Variants in TC2N observed in about 807,000 individuals in gnomAD.
The protein encoded by TC2N is tandem C2 domains nuclear protein.
A neutral mutation model predicts 61.9 loss-of-function variants in TC2N; 51 were observed. That is an observed-to-expected ratio of 0.82 (90% CI 0.66 to 1.04). The LOEUF (loss-of-function observed/expected upper bound fraction) is 1.04, where lower values mean the gene tolerates loss of function less well. Among genes scored for constraint, TC2N ranks in the 50% least tolerant of loss-of-function variants. The pLI, the probability that TC2N is intolerant of heterozygous loss-of-function variation, is 0.00. For missense variants in TC2N, 556 were observed against 566.7 expected (o/e 0.98, Z 0.19); for synonymous variants, 204 against 192.6 (o/e 1.06, Z -0.49).
chr14:91,850,030 CAA>C (rs1199367644), intron 1 of TC2N, among the ~76,000 whole-genome samples: 9 of 120,128 alleles, frequency 7.5e-5, no homozygotes, highest in Non-Finnish European at 1.5e-4. Context: ...GCCTGGGCAA[CAA>C]GAGTGAAACT....
At chr14:91,799,718 T>C (rs2139841965) in intron 5 of TC2N, among the ~76,000 whole-genome samples, 1 of 152,216 alleles carries the variant, frequency 6.6e-6, no homozygotes, top group South Asian at 2.1e-4. Context: ...TGAGTACACA[T>C]AACAATATTT....
chr14:91,828,708 T>C (rs1887612868), intron 1 of TC2N, among the ~76,000 whole-genome samples: 1 of 152,078 alleles, frequency 6.6e-6, no homozygotes, highest in South Asian at 2.1e-4. Context: ...TAATAGGATT[T>C]TGCTGATTGC....
intron 1 of TC2N, among the ~76,000 whole-genome samples, chr14:91,855,213 A>T (rs1432450989): frequency 6.6e-6 from 1 of 152,180 alleles, no homozygotes; most frequent in African/African-American, 2.4e-5. Flanking sequence ...ATCCTCAGGA[A>T]ATTTGCCTAC....
chr14:91,833,676 G>T (rs1404329295), intron 1 of TC2N, among the ~76,000 whole-genome samples: 1 of 151,990 alleles, frequency 6.6e-6, no homozygotes, highest in Non-Finnish European at 1.5e-5. Context: ...ACATTAGTTT[G>T]CATTTTCTAG....
chr14:91,845,092 G>A (rs1390234571), intron 1 of TC2N, among the ~76,000 whole-genome samples: 3 of 151,894 alleles, frequency 2.0e-5, no homozygotes, highest in African/African-American at 4.8e-5. Context: ...GCCGGGTGAC[G>A]TGGCGCACAC....
chr14:91,822,166 G>A (rs973152050), intron 1 of TC2N, among the ~76,000 whole-genome samples: 2 of 152,112 alleles, frequency 1.3e-5, no homozygotes, highest in Admixed American at 6.5e-5. Context: ...TAAGAAAAAA[G>A]CAATCACATG....
chr14:91,804,602 CA>C, intron 3 of TC2N, among the ~76,000 whole-genome samples: 1 of 152,122 alleles, frequency 6.6e-6, no homozygotes, highest in East Asian at 1.9e-4. Flanking sequence ...AAACTACTGA[CA>C]ATTACTTGAA....
At chr14:91,829,424 T>C (rs1454337969) in intron 1 of TC2N, among the ~76,000 whole-genome samples, 1 of 152,146 alleles carries the variant, frequency 6.6e-6, no homozygotes, top group Non-Finnish European at 1.5e-5. Context: ...TATCTTCCAG[T>C]TCATTCAATC....
chr14:91,853,108 A>G (rs897935497), intron 1 of TC2N, among the ~76,000 whole-genome samples: 11 of 152,082 alleles, frequency 7.2e-5, no homozygotes, highest in African/African-American at 2.7e-4. Context: ...CAACAAAAAC[A>G]CAACATGGCT....
chr14:91,782,772 AT>A lies in TC2N; in HGVS notation c.*327del. ...TTTGAATATCTAAGTAAAGCTTAAA[AT>A]ACAAAAGCGAAAACATAATATAGAA... is the stretch of plus-strand genomic sequence containing the variant. On this transcript the variant is annotated 3_prime_UTR_variant, in exon 12 of 12. Coordinates refer to ENST00000435962, the MANE Select transcript of TC2N (RefSeq NM_001128596.3). The A allele has an allele frequency of 4.9e-6, 1 of 202,874 alleles. No homozygotes were observed. 12.6% of individuals were successfully genotyped at this position (202,874 alleles called of 1,614,324 possible).
intron 8 of TC2N, among the ~76,000 whole-genome samples, chr14:91,796,367 T>C (rs1017088893): frequency 6.6e-6 from 1 of 152,046 alleles, no homozygotes; most frequent in Non-Finnish European, 1.5e-5. Context: ...TCCAGCTCCT[T>C]AAAAACTCTT....
At chr14:91,804,602 C>A (rs555984380) in intron 3 of TC2N, among the ~76,000 whole-genome samples, 18 of 152,004 alleles carry the variant, frequency 1.2e-4, no homozygotes, top group Non-Finnish European at 2.2e-4. Context: ...AAACTACTGA[C>A]AATTACTTGA....
At chr14:91,854,409 G>A (rs1462419509) in intron 1 of TC2N, among the ~76,000 whole-genome samples, 1 of 135,076 alleles carries the variant, frequency 7.4e-6, no homozygotes, top group African/African-American at 2.7e-5. Flanking sequence ...GGAGGAGGAG[G>A]AGGAGGAGGG....
chr14:91,819,216 G>A (rs1158722940), intron 1 of TC2N, among the ~76,000 whole-genome samples: 2 of 152,138 alleles, frequency 1.3e-5, no homozygotes, highest in Non-Finnish European at 2.9e-5. Flanking sequence ...TGTAATCCCA[G>A]CTACTCGGGA....
At chr14:91,821,488 C>T (rs941875575) in intron 1 of TC2N, among the ~76,000 whole-genome samples, 1 of 151,352 alleles carries the variant, frequency 6.6e-6, no homozygotes, top group Non-Finnish European at 1.5e-5. Flanking sequence ...CCACCATATA[C>T]AAAAACTAAC....
At chr14:91,799,186 G>T (rs1044987933) in intron 5 of TC2N, 122 bp from the exon 6 acceptor site, 1 of 584,636 alleles carries the variant, frequency 1.7e-6, no homozygotes, top group Non-Finnish European at 2.9e-6. Context: ...AGTGTTACAG[G>T]TCAGAATTTC....
intron 1 of TC2N, among the ~76,000 whole-genome samples, chr14:91,816,959 C>A (rs181239510): frequency 6.0e-4 from 91 of 151,932 alleles, no homozygotes; most frequent in Middle Eastern, 3.4e-3. Context: ...GTCATCTTTA[C>A]CCCTCTTCAC....
intron 9 of TC2N, among the ~76,000 whole-genome samples, chr14:91,788,467 A>G (rs1885470653): frequency 6.6e-6 from 1 of 152,204 alleles, no homozygotes; most frequent in Non-Finnish European, 1.5e-5. Context: ...GTAGGAACAT[A>G]ATGTTCACAG....
intron 1 of TC2N, among the ~76,000 whole-genome samples, chr14:91,815,236 G>C (rs537752592): frequency 6.6e-6 from 1 of 151,482 alleles, no homozygotes; most frequent in East Asian, 1.9e-4. Context: ...AAAGTTAAAA[G>C]AAAACATGGC....
Sources: gnomAD v4.1 joint callset for allele counts (sites outside exome capture counted in the v4.1 genomes callset) on GRCh38, gnomAD v4.1.1 for gene constraint, MANE v1.5 for transcripts, NCBI Gene and HGNC (gene_info 2026-07-23, HGNC 2026-07-21) for gene names.